Variants in TCF7 observed in about 807,000 individuals in gnomAD.
TCF7 encodes transcription factor 7, also known as T-cell-factor-7.
Under a neutral mutation model 46.8 loss-of-function variants are expected in TCF7, and 19 were observed. That is an observed-to-expected ratio of 0.41 (90% confidence interval 0.28 to 0.60). The LOEUF (loss-of-function observed/expected upper bound fraction) is 0.60, where lower values mean the gene tolerates loss of function less well. Among genes scored for constraint, TCF7 ranks in the 20% least tolerant of loss-of-function variants. TCF7 has a pLI of 0.35. For synonymous variants in TCF7, 245 were observed against 213.4 expected (o/e 1.15, Z -1.29); for missense variants, 547 against 504.6 (o/e 1.08, Z -0.81).
intron 9 of TCF7, chr5:134,145,664 C>CT: frequency 6.8e-7 from 1 of 1,476,728 alleles, no homozygotes; most frequent in East Asian, 2.3e-5. Flanking sequence ...TGGGGTGTGT[C>CT]TGTGTATCCA....
At chr5:134,126,094 T>C (rs902407975) in intron 3 of TCF7, among the ~76,000 whole-genome samples, 1 of 152,284 alleles carries the variant, frequency 6.6e-6, no homozygotes, top group Admixed American at 6.5e-5. Context: ...CAGATGGCTC[T>C]GTGGCTGGCG....
rs1239271503 is a variant in TCF7, at chr5:134,115,036, C to A, written c.130C>A (p.Pro44Thr). The change falls in exon 1 of 10, where the codon CCC becomes ACC. Residue 44 changes from proline to threonine, a missense_variant. Around this residue, in one of 3 missense-constraint regions of TCF7, gnomAD observed 425 missense variants for 349.9 expected, o/e 1.21. Transcript: ENST00000342854. ...CAAGAGCCGCGACAGCGCCGCCGGT[C>A]CCGAGCGCGACCTGGCCGAGCTCAA... is the stretch of plus-strand genomic sequence containing the variant. ...DDKSRDSAAG[P>T]ERDLAELKSS... is the part of the protein sequence containing the mutation. The A allele has an allele frequency of 8.0e-7, 1 of 1,249,148 alleles. No individual in the cohort carries two copies. The highest frequency in any genetic ancestry group is 1.0e-6 in the Non-Finnish European group (1 of 971,668). The allele number at this position is 1,249,148 out of a possible 1,614,324, so 77.4% of individuals were successfully genotyped here.
chr5:134,145,926 GGAGATGACTCCCTTGGAAGACAGGA>G lies in TCF7; in HGVS notation c.1076-274_1076-250del, dbSNP rs533486075. ...TGGAGAAGCTCAAAGGCCGGGACTG[GGAGATGACTCCCTTGGAAGACAGGA>G]GAGATGACTCCCTTGGAAGACAGAT... On this transcript the variant is annotated intron_variant, in intron 9 of 9. Transcript: ENST00000342854. 1,229 of 1,510,182 alleles carry G rather than the reference GGAGATGACTCCCTTGGAAGACAGGA, an allele frequency of 8.1e-4. 4 individuals are homozygous for G. Among genetic ancestry groups the G allele is most frequent in the South Asian group, 3.7e-3 (295 of 79,344 alleles). 93.5% of individuals were successfully genotyped at this position (1,510,182 alleles called of 1,614,324 possible). A position where few individuals can be genotyped will look rare whatever the true frequency, so the allele number is the denominator to read the frequency against.
intron 5 of TCF7, among the ~76,000 whole-genome samples, chr5:134,140,072 C>A (rs946480629): frequency 1.3e-5 from 2 of 152,178 alleles, no homozygotes; most frequent in Non-Finnish European, 2.9e-5. Flanking sequence ...AGATTTTACC[C>A]ACCAAGGCTG....
At chr5:134,126,312 G>A (rs965277816) in intron 3 of TCF7, among the ~76,000 whole-genome samples, 5 of 152,354 alleles carry the variant, frequency 3.3e-5, no homozygotes, top group South Asian at 2.1e-4. Flanking sequence ...CCCCATGGGC[G>A]GGGGTGTGGG....
At chr5:134,137,923 TG>T in intron 3 of TCF7, 135 bp from the exon 4 acceptor site, 1 of 651,486 alleles carries the variant, frequency 1.5e-6, no homozygotes, top group Non-Finnish European at 2.6e-6. Context: ...GTGACTTGAG[TG>T]GTACCCCCTT....
intron 3 of TCF7, among the ~76,000 whole-genome samples, chr5:134,123,321 G>A (rs752513477): frequency 2.0e-5 from 3 of 152,228 alleles, no homozygotes; most frequent in Non-Finnish European, 2.9e-5. Context: ...TCCATACCCC[G>A]ACTGAGCCCC....
At chr5:134,145,746 A>G in intron 9 of TCF7, 4 of 1,613,914 alleles carry the variant, frequency 2.5e-6, no homozygotes, top group Non-Finnish European at 2.5e-6. Flanking sequence ...ATCAGAGACA[A>G]ACTGGCCCAG....
chr5:134,142,008 T>C (rs1759862314), intron 5 of TCF7, 177 bp from the exon 6 acceptor site: 4 of 762,998 alleles, frequency 5.2e-6, no homozygotes, highest in South Asian at 2.5e-5. Context: ...GTCTGTGTAG[T>C]GTGCTGGGAG....
chr5:134,140,211 G>T (rs1262017279), intron 5 of TCF7, among the ~76,000 whole-genome samples: 2 of 152,148 alleles, frequency 1.3e-5, no homozygotes, highest in Non-Finnish European at 2.9e-5. Context: ...CAGGGTTCTG[G>T]GCACCAGGGA....
At chr5:134,110,561 A>G (rs766483320), upstream of TCF7, among the ~76,000 whole-genome samples, 1 of 152,250 alleles carries the variant, frequency 6.6e-6, no homozygotes, top group Non-Finnish European at 1.5e-5. Flanking sequence ...AACAAACCAC[A>G]GTCTACCTCT....
intron 6 of TCF7, 138 bp from the exon 7 acceptor site, chr5:134,142,583 G>T: frequency 8.5e-7 from 1 of 1,180,934 alleles, no homozygotes; most frequent in Non-Finnish European, 1.2e-6. Context: ...ACCCATTTGG[G>T]GGCAGCTAGG....
Position 134,115,923 on chromosome 5 carries a change from G to A in TCF7, c.331G>A (p.Glu111Lys), listed in dbSNP as rs1374992763. ...GGTTTTTCCAGGCCTGAAGGCCCCG[G>A]AGTGCACCAGCGGCATGTACAAAGA... ...EPLEDGLKAP[E>K]CTSGMYKETV... Residue 111 changes from glutamate (E) to lysine (K), a missense_variant, in exon 3 of 10, where the codon GAG becomes AAG. Physicochemically the swap from Glu to Lys is moderately conservative, Grantham distance 56. This residue lies in a region of TCF7 where 425 missense variants were observed against 349.9 expected (regional missense o/e 1.21). Coordinates refer to ENST00000342854, the MANE Select transcript of TCF7 (RefSeq NM_003202.5). 1 of 1,614,000 alleles carries A rather than the reference G, an allele frequency of 6.2e-7. No homozygotes were observed. The highest frequency in any genetic ancestry group is 2.2e-5 in the East Asian group (1 of 44,890).
chr5:134,108,231 A>T, the TCF7 span, among the ~76,000 whole-genome samples: 1 of 150,432 alleles, frequency 6.6e-6, no homozygotes, highest in African/African-American at 2.5e-5. Flanking sequence ...GTCCGTCCCC[A>T]CTCCCAACCC....
At chr5:134,127,290 G>A (rs1757471091) in intron 3 of TCF7, among the ~76,000 whole-genome samples, 1 of 152,228 alleles carries the variant, frequency 6.6e-6, no homozygotes. Flanking sequence ...GCAAGTTCAG[G>A]GCTCCCAGGG....
intron 4 of TCF7, among the ~76,000 whole-genome samples, chr5:134,138,409 CGCTGCCAGTA>C (rs1759229578): frequency 6.6e-6 from 1 of 152,194 alleles, no homozygotes; most frequent in Non-Finnish European, 1.5e-5. Flanking sequence ...TGGGTGACCC[CGCTGCCAGTA>C]TGGCAGCATT....
intron 3 of TCF7, among the ~76,000 whole-genome samples, chr5:134,125,250 C>T (rs754564764): frequency 1.3e-5 from 2 of 152,234 alleles, no homozygotes; most frequent in African/African-American, 2.4e-5. Flanking sequence ...CCTGCTGGGC[C>T]GCCATCTGAA....
At chr5:134,115,552 C>A (rs1475425087) in intron 2 of TCF7, 165 bp downstream of exon 2, 20 of 1,439,348 alleles carry the variant, frequency 1.4e-5, no homozygotes, top group Admixed American at 2.8e-5. Context: ...CGGGCGCCGC[C>A]GGGTCGAGTC....
rs1755605294 is a variant in TCF7 at position 134,115,028 on chromosome 5, C to T, written c.122C>T (p.Ala41Val). 2.4e-6 allele frequency: 3 copies of T among 1,253,220 alleles called. No homozygotes were observed. Among genetic ancestry groups the T allele is most frequent in the Non-Finnish European group, 3.1e-6 (3 of 973,866 alleles). 77.6% of individuals were successfully genotyped at this position (1,253,220 alleles called of 1,614,324 possible). The part of the protein sequence containing the change: ...EEQDDKSRDS[A>V]AGPERDLAEL... The stretch of plus-strand genomic sequence containing the variant: ...CAGGACGACAAGAGCCGCGACAGCG[C>T]CGCCGGTCCCGAGCGCGACCTGGCC... The change falls in exon 1 of 10, where the codon GCC becomes GTC. Residue 41 changes from alanine to valine, a missense_variant. Around this residue, in one of 3 missense-constraint regions of TCF7, gnomAD observed 425 missense variants for 349.9 expected, o/e 1.21. Transcript: ENST00000342854.
Sources: allele counts gnomAD v4.1 joint callset (sites outside exome capture counted in the v4.1 genomes callset), GRCh38; gene constraint gnomAD v4.1.1; regional missense constraint gnomAD v4.1.1; transcripts MANE v1.5; gene names NCBI Gene and HGNC (gene_info 2026-07-23, HGNC 2026-07-21).